Variants in NTM observed in about 807,000 individuals in gnomAD.
NTM encodes neurotrimin.
NTM carries 13 observed loss-of-function variants against 42.1 expected under a neutral mutation model. That is an observed-to-expected ratio of 0.31 (90% confidence interval 0.20 to 0.49). The LOEUF is 0.49. NTM is among the 20% of genes least tolerant of loss of function. The pLI, the probability that NTM is intolerant of heterozygous loss-of-function variation, is 0.99. For synonymous variants in NTM, 187 were observed against 179.2 expected (o/e 1.04, Z -0.35); for missense variants, 373 against 452.8 (o/e 0.82, Z 1.60).
intron 1 of NTM, among the ~76,000 whole-genome samples, chr11:131,823,462 T>C (rs2093274746): frequency 6.6e-6 from 1 of 152,170 alleles, no homozygotes. Flanking sequence ...CAGACCCTGG[T>C]TGAATTAAGG....
chr11:131,748,158 C>G (rs1415373986), intron 1 of NTM, among the ~76,000 whole-genome samples: 1 of 152,216 alleles, frequency 6.6e-6, no homozygotes, highest in Non-Finnish European at 1.5e-5. Context: ...TCAACCAAGT[C>G]TGTTAAGGGT....
intron 4 of NTM, among the ~76,000 whole-genome samples, chr11:132,228,046 A>G (rs563539193): frequency 6.6e-6 from 1 of 152,318 alleles, no homozygotes; most frequent in African/African-American, 2.4e-5. Context: ...AAGATGCCAC[A>G]GCAGGAATCA....
intron 2 of NTM, among the ~76,000 whole-genome samples, chr11:131,946,878 TC>T (rs1434248409): frequency 1.5e-4 from 23 of 152,226 alleles, no homozygotes; most frequent in South Asian, 2.1e-4. Flanking sequence ...TTCTTCTCTG[TC>T]AAACAGGCTA....
At chr11:132,283,241 T>C (rs762797701) in intron 4 of NTM, among the ~76,000 whole-genome samples, 35 of 152,086 alleles carry the variant, frequency 2.3e-4, no homozygotes, top group Non-Finnish European at 2.9e-4. Flanking sequence ...TGCCTCAGCC[T>C]CCTAAAGTGC....
chr11:132,306,200 T>G (rs548184484), intron 4 of NTM: 1 of 152,318 alleles, frequency 6.6e-6, no homozygotes, highest in African/African-American at 2.4e-5. Context: ...TGTGGTTATC[T>G]TGACAAAACA....
intron 1 of NTM, among the ~76,000 whole-genome samples, chr11:131,894,097 C>G (rs779309341): frequency 1.1e-4 from 17 of 152,120 alleles, no homozygotes; most frequent in Non-Finnish European, 2.1e-4. Context: ...AAGTCAGCAC[C>G]GAACACCTCT....
chr11:132,194,755 C>T (rs566007697), intron 3 of NTM, among the ~76,000 whole-genome samples: 16 of 151,396 alleles, frequency 1.1e-4, no homozygotes, highest in African/African-American at 2.2e-4. Flanking sequence ...AACTGATAAA[C>T]GACCACAGTA....
At chr11:131,689,925 T>A (rs1212134426) in intron 1 of NTM, among the ~76,000 whole-genome samples, 1 of 152,172 alleles carries the variant, frequency 6.6e-6, no homozygotes, top group Non-Finnish European at 1.5e-5. Flanking sequence ...CACAGTTGGC[T>A]CCCTCGTCCA....
At chr11:131,881,409 C>T (rs936993153) in intron 1 of NTM, among the ~76,000 whole-genome samples, 1 of 151,708 alleles carries the variant, frequency 6.6e-6, no homozygotes, top group Non-Finnish European at 1.5e-5. Context: ...GGGTCATTGA[C>T]TTGACCCTAC....
intron 1 of NTM, among the ~76,000 whole-genome samples, chr11:131,447,840 C>T (rs114357462): frequency 0.013 from 1,906 of 152,264 alleles, 42 homozygotes; most frequent in African/African-American, 0.043. Context: ...AGGCCTGAAC[C>T]GCAGCCGCCA....
intron 1 of NTM, among the ~76,000 whole-genome samples, chr11:131,907,844 C>T (rs1366637338): frequency 6.6e-6 from 1 of 152,030 alleles, no homozygotes; most frequent in Non-Finnish European, 1.5e-5. Flanking sequence ...ATAAGATAAG[C>T]CACTAAGTGT....
chr11:132,021,511 C>T (rs1413869761), intron 2 of NTM, among the ~76,000 whole-genome samples: 3 of 152,082 alleles, frequency 2.0e-5, no homozygotes, highest in Non-Finnish European at 4.4e-5. Context: ...CCTCACTTTT[C>T]CCGCAAAGGT....
chr11:131,514,547 A>T (rs546705445), intron 1 of NTM, among the ~76,000 whole-genome samples: 41 of 152,222 alleles, frequency 2.7e-4, no homozygotes, highest in African/African-American at 7.7e-4. Context: ...TTACTTTTTT[A>T]AAAAAATTAA....
At chr11:131,616,256 T>A (rs2061925163) in intron 1 of NTM, among the ~76,000 whole-genome samples, 1 of 152,156 alleles carries the variant, frequency 6.6e-6, no homozygotes, top group Non-Finnish European at 1.5e-5. Context: ...CCAGGGCAGG[T>A]CCCTTTCTCC....
At chr11:132,230,566 C>T (rs1429319648) in intron 4 of NTM, among the ~76,000 whole-genome samples, 1 of 152,228 alleles carries the variant, frequency 6.6e-6, no homozygotes, top group Non-Finnish European at 1.5e-5. Context: ...TCCCTTTCTG[C>T]TCACCACTCT....
intron 4 of NTM, among the ~76,000 whole-genome samples, chr11:132,295,706 G>A (rs35471134): frequency 6.6e-6 from 1 of 152,150 alleles, no homozygotes; most frequent in East Asian, 1.9e-4. Context: ...GGTGTAGGGG[G>A]AAGTGAGATG....
intron 2 of NTM, among the ~76,000 whole-genome samples, chr11:132,048,819 T>TTTTTTC (rs200484714): frequency 0.19 from 3,585 of 18,590 alleles, 44 homozygotes; most frequent in African/African-American, 0.45. Flanking sequence ...TTCTTTTTTC[T>TTTTTTC]TTTTTTTTTT....
chr11:131,670,141 A>C (rs1330458626), intron 1 of NTM, among the ~76,000 whole-genome samples: 1 of 152,168 alleles, frequency 6.6e-6, no homozygotes, highest in Admixed American at 6.5e-5. Context: ...TGAGTTCCCT[A>C]TTAAAATATC....
At chr11:131,622,980 A>G (rs1323183040) in intron 1 of NTM, among the ~76,000 whole-genome samples, 1 of 152,220 alleles carries the variant, frequency 6.6e-6, no homozygotes, top group East Asian at 1.9e-4. Context: ...GAAAAAGAGA[A>G]AGAGGAAGAG....
Sources: allele counts gnomAD v4.1 joint callset (sites outside exome capture counted in the v4.1 genomes callset), GRCh38; gene constraint gnomAD v4.1.1; transcripts MANE v1.5; gene names NCBI Gene and HGNC (gene_info 2026-07-23, HGNC 2026-07-21).